Variants in EFCAB14 observed in about 807,000 individuals in gnomAD.
The protein encoded by EFCAB14 is EF-hand calcium binding domain 14.
Under a neutral mutation model 56.5 loss-of-function variants are expected in EFCAB14, and 43 were observed. The ratio of observed to expected loss-of-function variants is 0.76; its 90% CI spans 0.60 to 0.98. EFCAB14 has a LOEUF of 0.98. Ranked by LOEUF, EFCAB14 falls within the 50% of genes least tolerant of loss-of-function variation. EFCAB14 has a pLI of 0.00. For synonymous variants in EFCAB14, 235 were observed against 212.9 expected, an observed-to-expected ratio of 1.10 and a Z score of -0.90; for missense variants, 538 against 580.3, an observed-to-expected ratio of 0.93 and a Z score of 0.75.
chr1:46,717,892 C>T lies in EFCAB14; in HGVS notation c.185+11G>A, dbSNP rs1250096752. The T allele has an allele frequency of 5.0e-6, 8 of 1,611,228 alleles. No homozygotes were observed. Among genetic ancestry groups the T allele is most frequent in the Non-Finnish European group, 6.8e-6 (8 of 1,178,664 alleles). ...TGCCTTCTTCCCATTCCACCTTTCA[C>T]CACTACTCACTTGGCAAAGCGAGAG... On this transcript the variant is annotated intron_variant, in intron 1 of 10. Transcript: ENST00000371933.
chr1:46,693,023 C>T (rs11211341), intron 4 of EFCAB14, among the ~76,000 whole-genome samples: 60,667 of 151,858 alleles, frequency 0.4, 13,853 homozygotes, highest in East Asian at 0.78. Flanking sequence ...AAGGACACTT[C>T]GAGCAAAAGT....
chr1:46,702,007 T>C (rs1387162199), intron 3 of EFCAB14, among the ~76,000 whole-genome samples: 1 of 152,214 alleles, frequency 6.6e-6, no homozygotes, highest in Non-Finnish European at 1.5e-5. Context: ...TGCTCTGGCC[T>C]CTAACAGATG....
At chr1:46,683,482 C>G (rs779719480) in intron 9 of EFCAB14, 57 bp from the exon 10 acceptor site, 4 of 1,556,886 alleles carry the variant, frequency 2.6e-6, no homozygotes, top group Non-Finnish European at 3.5e-6. Context: ...CCAAATTAAA[C>G]TAGTATCGAA....
intron 4 of EFCAB14, among the ~76,000 whole-genome samples, chr1:46,695,611 A>AT (rs1206823719): frequency 2.6e-5 from 4 of 152,176 alleles, no homozygotes; most frequent in Non-Finnish European, 5.9e-5. Context: ...CCGTTTGGGG[A>AT]ATCCCTTCTT....
In EFCAB14 at chr1:46,684,620, T is replaced by C; in HGVS notation, c.1075-18A>G. The C allele has an allele frequency of 6.3e-7, 1 of 1,599,538 alleles. No homozygotes were observed. The highest frequency in any genetic ancestry group is 1.1e-5 in the South Asian group (1 of 90,814). On this transcript the variant is annotated intron_variant, in intron 8 of 10. Transcript: ENST00000371933. ...TCTTCTTTCTGCACAAAACAAAGAT[T>C]ATAGAAGGTTTAAGGTGGTAGTAAG...
intron 2 of EFCAB14, among the ~76,000 whole-genome samples, chr1:46,713,169 A>C (rs1484488100): frequency 1.3e-5 from 2 of 151,720 alleles, no homozygotes; most frequent in African/African-American, 4.8e-5. Context: ...ATGATGGTTT[A>C]GCCTATGGAC....
rs1464913880 is a variant in EFCAB14, at chr1:46,675,679, C to T, written c.*2782G>A. 1 of 152,206 alleles carries T rather than the reference C, an allele frequency of 6.6e-6. No individual in the cohort carries two copies. The highest frequency in any genetic ancestry group is 1.5e-5 in the Non-Finnish European group (1 of 68,038). 9.4% of individuals were successfully genotyped at this position (152,206 alleles called of 1,614,324 possible). ...CAGTAGGTGAAGGGAACCCATTCTT[C>T]AGCTCTGTTGCATCATACACATTCC... On this transcript the variant is annotated 3_prime_UTR_variant, in exon 11 of 11. Coordinates refer to ENST00000371933, the MANE Select transcript of EFCAB14 (RefSeq NM_014774.3).
At chr1:46,679,048 C>A (rs1188315335) in intron 10 of EFCAB14, among the ~76,000 whole-genome samples, 4 of 152,160 alleles carry the variant, frequency 2.6e-5, no homozygotes, top group African/African-American at 9.7e-5. Context: ...TGAATTTATT[C>A]TTATGTTGAA....
chr1:46,704,150 TG>T (rs1677200873), intron 3 of EFCAB14, among the ~76,000 whole-genome samples: 13 of 152,140 alleles, frequency 8.5e-5, no homozygotes, highest in African/African-American at 3.1e-4. Context: ...TTCCTCCATC[TG>T]ATTATAAGAT....
At chr1:46,696,483 T>C in intron 4 of EFCAB14, 68 bp downstream of exon 4, 1 of 1,446,394 alleles carries the variant, frequency 6.9e-7, no homozygotes, top group Admixed American at 1.9e-5. Flanking sequence ...GAAGCTAGAA[T>C]TATGGCAAAT....
At chr1:46,716,015 A>T (rs1677382983) in intron 2 of EFCAB14, among the ~76,000 whole-genome samples, 1 of 151,958 alleles carries the variant, frequency 6.6e-6, no homozygotes, top group Non-Finnish European at 1.5e-5. Flanking sequence ...TGGGAGGCCG[A>T]GGTAGGTGGA....
intron 1 of EFCAB14, among the ~76,000 whole-genome samples, 197 bp from the exon 2 acceptor site, chr1:46,716,640 T>A (rs889042873): frequency 6.6e-6 from 1 of 152,314 alleles, no homozygotes; most frequent in East Asian, 1.9e-4. Context: ...ATACAAAGGT[T>A]TCAAATGTCA....
Position 46,708,060 on chromosome 1 carries a change from A to C in EFCAB14, c.335-9T>G. On this transcript the variant is annotated splice_polypyrimidine_tract_variant and intron_variant, in intron 2 of 10. Transcript: ENST00000371933. ...TTTCTGATTAGATTCCACTAAAAAG[A>C]CAAAATAAGAACAATCATAACTAGC... 1 of 1,609,448 alleles carries C rather than the reference A, an allele frequency of 6.2e-7. No homozygotes were observed. Among genetic ancestry groups the C allele is most frequent in the Non-Finnish European group, 8.5e-7 (1 of 1,179,152 alleles).
chr1:46,713,145 C>CAG (rs748547181), intron 2 of EFCAB14, among the ~76,000 whole-genome samples: 47 of 151,670 alleles, frequency 3.1e-4, no homozygotes, highest in Non-Finnish European at 5.8e-4. Flanking sequence ...CACAAAATAA[C>CAG]TCCTAAGTAG....
At chr1:46,703,348 T>C (rs1392844034) in intron 3 of EFCAB14, among the ~76,000 whole-genome samples, 1 of 152,236 alleles carries the variant, frequency 6.6e-6, no homozygotes, top group Admixed American at 6.5e-5. Flanking sequence ...GACCTCGTGA[T>C]CCACCCACCT....
chr1:46,688,519 A>G lies in EFCAB14; in HGVS notation c.821T>C (p.Leu274Ser). The G allele has an allele frequency of 6.2e-7, 1 of 1,613,544 alleles. No individual in the cohort carries two copies. The highest frequency in any genetic ancestry group is 1.1e-5 in the South Asian group (1 of 91,052). The change falls in exon 7 of 11, where the codon TTA (leucine) becomes TCA (serine). Residue 274 changes from leucine (L) to serine (S), a missense_variant. Coordinates refer to ENST00000371933, the MANE Select transcript of EFCAB14 (RefSeq NM_014774.3). Reference protein sequence around the residue: ...KQDILYLHNSLEEVNSALVGY... With the variant: ...KQDILYLHNSSEEVNSALVGY... ...CACTAGGGCACTGTTTACCTCCTCTAAAGAGTTGTGAAGGTACAGGATATC... is the reference window on the plus strand; with the variant it reads ...CACTAGGGCACTGTTTACCTCCTCTGAAGAGTTGTGAAGGTACAGGATATC...
chr1:46,715,365 A>C (rs1003025500), intron 2 of EFCAB14, among the ~76,000 whole-genome samples: 2 of 152,206 alleles, frequency 1.3e-5, no homozygotes, highest in African/African-American at 4.8e-5. Flanking sequence ...TTAATCACTG[A>C]ACAAATTACT....
rs1676995944 is a variant in EFCAB14, at chr1:46,691,775, C to G, written c.690+52G>C. On this transcript the variant is annotated intron_variant, in intron 5 of 10. Transcript: ENST00000371933. ...TTAGTGGAAAGTTGGCAACATGACT[C>G]TTACACAAAAAAGGGTGAGCAGGAG... is the stretch of plus-strand genomic sequence containing the variant. 4 of 1,421,168 alleles carry G rather than the reference C, an allele frequency of 2.8e-6. No individual in the cohort carries two copies. In the East Asian group the frequency reaches 9.2e-5, roughly 33 times the overall value. The allele number at this position is 1,421,168 out of a possible 1,614,324, so 88.0% of individuals were successfully genotyped here.
At chr1:46,679,570 T>A (rs1267761705) in intron 10 of EFCAB14, among the ~76,000 whole-genome samples, 2 of 145,082 alleles carry the variant, frequency 1.4e-5, no homozygotes, top group Non-Finnish European at 3.0e-5. Flanking sequence ...CCCAGAGTGC[T>A]GGGATTATAG....
Sources: allele counts gnomAD v4.1 joint callset (sites outside exome capture counted in the v4.1 genomes callset), GRCh38; gene constraint gnomAD v4.1.1; transcripts MANE v1.5; gene names NCBI Gene and HGNC (gene_info 2026-07-23, HGNC 2026-07-21).